Variants in OSBPL8 observed in about 807,000 individuals in gnomAD.
OSBPL8 encodes oxysterol binding protein like 8.
A neutral mutation model predicts 125.5 loss-of-function variants in OSBPL8; 59 were observed. That is an observed-to-expected ratio of 0.47 (90% confidence interval 0.38 to 0.58). The LOEUF is 0.58. OSBPL8 is among the 20% of genes least tolerant of loss of function. OSBPL8 has a pLI of 0.00. For synonymous variants in OSBPL8, 330 were observed against 338.9 expected (o/e 0.97, Z 0.29); for missense variants, 758 against 1,047.8 (o/e 0.72, Z 3.82).
At chr12:76,418,812 GAC>G (rs1869081294) in intron 4 of OSBPL8, among the ~76,000 whole-genome samples, 1 of 152,096 alleles carries the variant, frequency 6.6e-6, no homozygotes, top group Non-Finnish European at 1.5e-5. Context: ...CAGCCTGGGC[GAC>G]AGAGTGAGAC....
At chr12:76,517,089 C>T (rs1396496745) in intron 1 of OSBPL8, among the ~76,000 whole-genome samples, 2 of 152,208 alleles carry the variant, frequency 1.3e-5, no homozygotes, top group Admixed American at 1.3e-4. Context: ...GCTGGGATTA[C>T]AGGCATGAGC....
rs1421878374 is a variant in OSBPL8 at position 76,515,482 on chromosome 12, T to C, written c.-67-27864A>G. ...TCCAGCAGGTGGCACTCAGGTGTAC[T>C]GGTCAGTTGGTAGAATCTTGCTCGG... On this transcript the variant is annotated intron_variant, in intron 1 of 23. Transcript: ENST00000261183. 3.3e-5 allele frequency among the ~76,000 whole-genome samples: 5 copies of C among 152,206 alleles called. No homozygotes were observed. In the East Asian group the frequency reaches 5.8e-4, roughly 18 times the overall value.
At chr12:76,397,035 G>A (rs919129110) in intron 8 of OSBPL8, among the ~76,000 whole-genome samples, 4 of 151,668 alleles carry the variant, frequency 2.6e-5, no homozygotes, top group Non-Finnish European at 5.9e-5. Flanking sequence ...GGCTGGTCTC[G>A]AACTCCTGAG....
intron 16 of OSBPL8, among the ~76,000 whole-genome samples, chr12:76,376,227 G>A (rs1952813918): frequency 6.6e-6 from 1 of 152,232 alleles, no homozygotes; most frequent in African/African-American, 2.4e-5. Context: ...AATAAGTTCT[G>A]TGGTTAAAAG....
chr12:76,472,241 T>A (rs1876225426), intron 2 of OSBPL8, among the ~76,000 whole-genome samples: 2 of 152,254 alleles, frequency 1.3e-5, no homozygotes, highest in African/African-American at 4.8e-5. Flanking sequence ...TTTAAGATTC[T>A]ACATGTTTAA....
chr12:76,535,803 T>A (rs771940094), intron 1 of OSBPL8, among the ~76,000 whole-genome samples: 5 of 152,128 alleles, frequency 3.3e-5, no homozygotes, highest in Non-Finnish European at 7.4e-5. Flanking sequence ...TCCGTTCATA[T>A]GAAATCTTAG....
At chr12:76,469,191 G>T (rs903647212) in intron 2 of OSBPL8, among the ~76,000 whole-genome samples, 2 of 152,022 alleles carry the variant, frequency 1.3e-5, no homozygotes, top group Non-Finnish European at 2.9e-5. Flanking sequence ...CCATTGACTT[G>T]ATTTTTTAAA....
intron 3 of OSBPL8, among the ~76,000 whole-genome samples, chr12:76,458,387 T>C (rs1004013997): frequency 1.3e-5 from 2 of 151,954 alleles, no homozygotes; most frequent in Admixed American, 6.5e-5. Flanking sequence ...TTTGAGTTAT[T>C]GCATTTAAGA....
chr12:76,475,847 C>T (rs1326785628), intron 2 of OSBPL8, among the ~76,000 whole-genome samples: 1 of 152,180 alleles, frequency 6.6e-6, no homozygotes, highest in Non-Finnish European at 1.5e-5. Flanking sequence ...ACTATGAGCA[C>T]AAAACATGAT....
chr12:76,457,731 A>AAT (rs1874233610), intron 3 of OSBPL8, among the ~76,000 whole-genome samples: 1 of 152,146 alleles, frequency 6.6e-6, no homozygotes, highest in African/African-American at 2.4e-5. Flanking sequence ...ATATGCTTGA[A>AAT]ATATATAACC....
At chr12:76,385,639 G>T (rs1416189963) in intron 14 of OSBPL8, among the ~76,000 whole-genome samples, 2 of 151,958 alleles carry the variant, frequency 1.3e-5, no homozygotes, top group Non-Finnish European at 2.9e-5. Context: ...GCGGGTCAGG[G>T]TTTGTTTAGA....
chr12:76,404,248 T>C (rs191023790), intron 5 of OSBPL8, among the ~76,000 whole-genome samples: 1 of 152,336 alleles, frequency 6.6e-6, no homozygotes, highest in East Asian at 1.9e-4. Context: ...CAAAATGGCA[T>C]GGCTATTGTC....
intron 3 of OSBPL8, among the ~76,000 whole-genome samples, chr12:76,454,742 A>G (rs1873819582): frequency 6.6e-6 from 1 of 151,854 alleles, no homozygotes; most frequent in Non-Finnish European, 1.5e-5. Flanking sequence ...AAAAAAAAAA[A>G]AAAGGTAACT....
chr12:76,354,493 CA>C lies in OSBPL8; in HGVS notation c.*1395del. Reference sequence around the variant, plus strand: ...TTCACAGCCTCCTCCTACTGAAAGGCAAATGTGGTCAGGGCAATTATTCTCT... The same window carrying C: ...TTCACAGCCTCCTCCTACTGAAAGGCAATGTGGTCAGGGCAATTATTCTCT... On this transcript the variant is annotated 3_prime_UTR_variant, in exon 24 of 24. Transcript: ENST00000261183. The C allele has an allele frequency of 2.0e-5, 3 of 151,880 alleles. No individual in the cohort carries two copies. In the East Asian group the frequency reaches 5.8e-4, roughly 29 times the overall value. 9.4% of individuals were successfully genotyped at this position (151,880 alleles called of 1,614,324 possible).
Position 76,539,044 on chromosome 12 carries a change from A to G in OSBPL8, c.-68+20353T>C, listed in dbSNP as rs1159364482. Among the ~76,000 whole-genome samples the G allele has an allele frequency of 2.6e-4, 8 of 30,512 alleles. No individual in the cohort carries two copies. The East Asian group carries it at 0.018, about 67-fold the overall frequency. 20.0% of individuals were successfully genotyped at this position (30,512 alleles called of 152,430 possible). A position where few individuals can be genotyped will look rare whatever the true frequency, so the allele number is the denominator to read the frequency against. On this transcript the variant is annotated intron_variant, in intron 1 of 23. Coordinates refer to ENST00000261183, the MANE Select transcript of OSBPL8 (RefSeq NM_020841.5). ...AGAAGTCCTAAGAGCCTGCTATTAA[A>G]TAACTGGGGGGGGGGAGGGGGAGGG...
At chr12:76,510,680 G>A (rs1231707893) in intron 1 of OSBPL8, among the ~76,000 whole-genome samples, 1 of 152,056 alleles carries the variant, frequency 6.6e-6, no homozygotes, top group Non-Finnish European at 1.5e-5. Flanking sequence ...GGGAGTTCGG[G>A]ACCAGCCTGA....
chr12:76,397,363 G>A (rs1197223810), intron 8 of OSBPL8, among the ~76,000 whole-genome samples: 2 of 134,060 alleles, frequency 1.5e-5, no homozygotes, highest in Non-Finnish European at 3.2e-5. Context: ...GGTGGGGGCA[G>A]GTGGGTGGGA....
rs117850698 is a variant in OSBPL8 at position 76,430,867 on chromosome 12, T to A, written c.217+19984A>T. On this transcript the variant is annotated intron_variant, in intron 4 of 23. Coordinates refer to ENST00000261183, the MANE Select transcript of OSBPL8 (RefSeq NM_020841.5). Reference sequence around the variant, plus strand: ...CCCACTAGACCTGCCTTACAATAAGTGCCAGAGTTCTTCAAGTTAGAATGA... The same window carrying A: ...CCCACTAGACCTGCCTTACAATAAGAGCCAGAGTTCTTCAAGTTAGAATGA... Among the ~76,000 whole-genome samples, 197 of 152,192 alleles carry A rather than the reference T, an allele frequency of 1.3e-3. 1 individual carries two copies. The highest frequency in any genetic ancestry group is 2.3e-3 in the Non-Finnish European group (156 of 67,994).
At chr12:76,542,900 A>G (rs894936781) in intron 1 of OSBPL8, among the ~76,000 whole-genome samples, 2 of 152,212 alleles carry the variant, frequency 1.3e-5, no homozygotes, top group African/African-American at 2.4e-5. Context: ...GAACTCTTTC[A>G]GTTCTTAGCA....
Sources: gnomAD v4.1 joint callset for allele counts (sites outside exome capture counted in the v4.1 genomes callset) on GRCh38, gnomAD v4.1.1 for gene constraint, MANE v1.5 for transcripts, NCBI Gene and HGNC (gene_info 2026-07-23, HGNC 2026-07-21) for gene names.